The following SWT1 variants were observed in gnomAD, a reference collection of about 807,000 sequenced individuals.
SWT1 encodes transcriptional protein SWT1.
In SWT1, 33 loss-of-function variants were observed where a neutral mutation model predicts 107.3. The ratio of observed to expected loss-of-function variants is 0.31; its 90% CI spans 0.23 to 0.41. SWT1 has a LOEUF of 0.41. Among genes scored for constraint, SWT1 ranks in the 10% least tolerant of loss-of-function variants. The pLI, the probability that SWT1 is intolerant of heterozygous loss-of-function variation, is 1.00. For missense variants in SWT1, 898 were observed against 1,028.9 expected (o/e 0.87, Z 1.74); for synonymous variants, 345 against 348.3 (o/e 0.99, Z 0.11).
At chr1:185,179,483 C>G (rs189464744) in intron 5 of SWT1, among the ~76,000 whole-genome samples, 2 of 152,272 alleles carry the variant, frequency 1.3e-5, no homozygotes, top group Admixed American at 1.3e-4. Context: ...GATTTTCAGA[C>G]TTTGTTTGAA....
chr1:185,217,095 T>G (rs1659280680), intron 14 of SWT1, among the ~76,000 whole-genome samples: 1 of 152,248 alleles, frequency 6.6e-6, no homozygotes, highest in Admixed American at 6.5e-5. Context: ...AATAGTGCTT[T>G]CCCCTCAACA....
chr1:185,184,475 T>TA, intron 8 of SWT1, 131 bp downstream of exon 8: 1 of 642,084 alleles, frequency 1.6e-6, no homozygotes. Context: ...ATATTCAGTG[T>TA]TATAAGTTTA....
intron 4 of SWT1, among the ~76,000 whole-genome samples, chr1:185,170,898 A>C (rs1031998908): frequency 6.6e-6 from 1 of 152,184 alleles, no homozygotes; most frequent in African/African-American, 2.4e-5. Flanking sequence ...TTTTATTGAC[A>C]CTGTCATTTT....
chr1:185,253,861 T>G lies in SWT1; in HGVS notation c.2442-17462T>G, dbSNP rs577865572. 9.4e-4 allele frequency among the ~76,000 whole-genome samples: 142 copies of G among 151,678 alleles called. 2 individuals carry two copies. The highest frequency in any genetic ancestry group is 3.3e-3 in the African/African-American group (135 of 41,128). Reference sequence around the variant, plus strand: ...AGGGCATCCCTGTCTTGTGCCAATTTTCAAAGGGAATGCTTCCAGTTTTTG... The same window carrying G: ...AGGGCATCCCTGTCTTGTGCCAATTGTCAAAGGGAATGCTTCCAGTTTTTG... On this transcript the variant is annotated intron_variant, in intron 16 of 18. Coordinates refer to ENST00000367500, the MANE Select transcript of SWT1 (RefSeq NM_017673.7).
At chr1:185,200,138 A>G (rs1282284547) in intron 10 of SWT1, among the ~76,000 whole-genome samples, 2 of 151,850 alleles carry the variant, frequency 1.3e-5, no homozygotes, top group African/African-American at 2.4e-5. Flanking sequence ...TATAGTTAGC[A>G]ATTCCTCTAA....
intron 1 of SWT1, among the ~76,000 whole-genome samples, chr1:185,158,856 TTC>T (rs761942455): frequency 6.6e-6 from 1 of 152,200 alleles, no homozygotes; most frequent in Non-Finnish European, 1.5e-5. Context: ...AGAAATGACT[TTC>T]TGGGTTGATC....
chr1:185,269,075 ATC>A (rs1172371059), intron 16 of SWT1, among the ~76,000 whole-genome samples: 2 of 151,772 alleles, frequency 1.3e-5, no homozygotes, highest in Non-Finnish European at 2.9e-5. Flanking sequence ...GATGGTCTCG[ATC>A]TCCTGACCTC....
At chr1:185,272,499 A>T (rs2102737678) in intron 17 of SWT1, among the ~76,000 whole-genome samples, 1 of 152,118 alleles carries the variant, frequency 6.6e-6, no homozygotes, top group East Asian at 1.9e-4. Context: ...AACTTTCTGT[A>T]TGCCACATCT....
At chr1:185,211,851 A>G (rs1658836029) in intron 13 of SWT1, among the ~76,000 whole-genome samples, 1 of 152,336 alleles carries the variant, frequency 6.6e-6, no homozygotes, top group East Asian at 1.9e-4. Flanking sequence ...TGTGGCACAT[A>G]TACACCATGG....
At chr1:185,170,940 T>A (rs750356323) in intron 4 of SWT1, among the ~76,000 whole-genome samples, 1 of 152,184 alleles carries the variant, frequency 6.6e-6, no homozygotes, top group Non-Finnish European at 1.5e-5. Flanking sequence ...CGTCACCTGT[T>A]TTCTTTTAAG....
At chr1:185,231,113 T>C (rs74631095) in intron 15 of SWT1, among the ~76,000 whole-genome samples, 3,554 of 152,282 alleles carry the variant, frequency 0.023, 124 homozygotes, top group African/African-American at 0.08. Flanking sequence ...TTGTTATACA[T>C]TTAAGGTGTT....
intron 10 of SWT1, among the ~76,000 whole-genome samples, chr1:185,201,264 T>A (rs1287642217): frequency 6.6e-6 from 1 of 152,078 alleles, no homozygotes; most frequent in East Asian, 1.9e-4. Context: ...AGTGAATGGT[T>A]CTGTCTCGCT....
chr1:185,251,880 G>T (rs1442207000), intron 16 of SWT1, among the ~76,000 whole-genome samples: 6 of 151,636 alleles, frequency 4.0e-5, no homozygotes, highest in African/African-American at 7.3e-5. Context: ...TGCCATGCTG[G>T]TGCGCTGCAC....
At position 185,221,879 on chromosome 1, in the gene SWT1, G is replaced by C. The variant is rs1453132253; in HGVS notation, c.2152G>C (p.Glu718Gln). The change falls in exon 15 of 19, where the codon GAA (glutamate) becomes CAA (glutamine). Residue 718 changes from glutamate to glutamine, a missense_variant. Physicochemically the swap from Glu to Gln is conservative, Grantham distance 29 (BLOSUM62 2). Around this residue, in one of 6 missense-constraint regions of SWT1, gnomAD observed 382 missense variants for 460.0 expected, o/e 0.83. Transcript: ENST00000367500. Reference protein sequence around the residue: ...VKTKLKPNSSENTVTKKQEGT... With the variant: ...VKTKLKPNSSQNTVTKKQEGT... ...GACAAAACTTAAGCCAAATTCTTCA[G>C]AAAACACAGTGACTAAAAAGCAGGA... The C allele has an allele frequency of 1.9e-6, 3 of 1,599,514 alleles. No individual in the cohort carries two copies. The highest frequency in any genetic ancestry group is 2.7e-5 in the African/African-American group (2 of 73,936).
At chr1:185,208,957 A>G (rs1033150535) in intron 13 of SWT1, among the ~76,000 whole-genome samples, 9 of 151,988 alleles carry the variant, frequency 5.9e-5, no homozygotes, top group Admixed American at 5.3e-4. Context: ...GCATTAGTTC[A>G]TTGGTGGAGA....
intron 4 of SWT1, among the ~76,000 whole-genome samples, chr1:185,173,490 T>A (rs952756372): frequency 2.0e-5 from 3 of 146,912 alleles, no homozygotes; most frequent in African/African-American, 7.6e-5. Flanking sequence ...AGCCCAGGAG[T>A]TCGACCAGCC....
At chr1:185,161,791 C>T (rs1182753784) in intron 2 of SWT1, among the ~76,000 whole-genome samples, 1 of 152,034 alleles carries the variant, frequency 6.6e-6, no homozygotes, top group Middle Eastern at 3.2e-3. Flanking sequence ...AGCAAAACTG[C>T]AAAACAAACA....
intron 1 of SWT1, 105 bp from the exon 2 acceptor site, chr1:185,160,728 T>C (rs1654070642): frequency 2.6e-6 from 2 of 767,554 alleles, no homozygotes. Flanking sequence ...AAATAAAAAG[T>C]GATCATATTG....
chr1:185,171,660 GCTT>G (rs1655075515), intron 4 of SWT1: 2 of 525,028 alleles, frequency 3.8e-6, no homozygotes, highest in Admixed American at 4.0e-5. Flanking sequence ...TTCAGAACCT[GCTT>G]CTTTTTTTTT....
Sources: allele counts gnomAD v4.1 joint callset (sites outside exome capture counted in the v4.1 genomes callset), GRCh38; gene constraint gnomAD v4.1.1; regional missense constraint gnomAD v4.1.1; transcripts MANE v1.5; gene names NCBI Gene and HGNC (gene_info 2026-07-23, HGNC 2026-07-21).